The following CAD variants were observed in gnomAD, a reference collection of about 807,000 sequenced individuals.
The protein encoded by CAD is multifunctional protein CAD.
CAD carries 81 observed loss-of-function variants against 237.2 expected under a neutral mutation model. That is an observed-to-expected ratio of 0.34 (90% CI 0.29 to 0.41). The LOEUF (loss-of-function observed/expected upper bound fraction) is 0.41. CAD is among the 10% of genes least tolerant of loss of function. The pLI is 1.00. For missense variants in CAD, 2,181 were observed against 2,951.7 expected, an observed-to-expected ratio of 0.74 and a Z score of 6.05; for synonymous variants, 1,196 against 1,162.8, an observed-to-expected ratio of 1.03 and a Z score of -0.58.
In CAD at chr2:27,232,949, C is replaced by CTGAA; in HGVS notation, c.2893-92_2893-89dup. On this transcript the variant is annotated intron_variant, in intron 18 of 43. Transcript: ENST00000264705. The surrounding 1 kb of genome is among the most constrained non-coding windows in gnomAD (Gnocchi z 4.1). ...TCAGAGGAAGCTGTGCTGGCAGTCT[C>CTGAA]TGAAGTAGGGGCTTTGGCTTAGTTT... 1.1e-6 allele frequency: 1 copy of CTGAA among 922,454 alleles called. No homozygotes were observed. The highest frequency in any genetic ancestry group is 1.8e-6 in the Non-Finnish European group (1 of 561,978). 57.1% of individuals were successfully genotyped at this position (922,454 alleles called of 1,614,324 possible). A position where few individuals can be genotyped will look rare whatever the true frequency, so the allele number is the denominator to read the frequency against.
Position 27,242,081 on chromosome 2 carries a change from C to T in CAD, c.6054C>T (p.Ala2018=), listed in dbSNP as rs774285423. ...ADSVQTMSCY[A]DVVVLRHPQP... ...CCGTGCAGACCATGAGCTGCTATGCCGACGTCGTCGTGCTCCGGCACCCCC... is the reference window on the plus strand; with the variant it reads ...CCGTGCAGACCATGAGCTGCTATGCTGACGTCGTCGTGCTCCGGCACCCCC... The change falls in exon 39 of 44, where the codon GCC becomes GCT. Residue 2018 remains alanine (A), a synonymous_variant. Coordinates refer to ENST00000264705, the MANE Select transcript of CAD (RefSeq NM_004341.5). This position sits in a 1 kb window ranked among gnomAD's most constrained non-coding sequence, Gnocchi z 6.4. The T allele has an allele frequency of 1.6e-5, 26 of 1,613,072 alleles. No homozygotes were observed. Among genetic ancestry groups the T allele is most frequent in the Non-Finnish European group, 2.2e-5 (26 of 1,180,020 alleles).
At chr2:27,227,042 C>A (rs1675477041) in intron 15 of CAD, 80 bp downstream of exon 15, 11 of 1,219,504 alleles carry the variant, frequency 9.0e-6, no homozygotes, top group Non-Finnish European at 1.3e-5. Context: ...CCTGGCATGG[C>A]CTTTTACGTC....
At chr2:27,243,350 G>A in intron 43 of CAD, 58 bp downstream of exon 43, 1 of 1,592,952 alleles carries the variant, frequency 6.3e-7, no homozygotes, top group Non-Finnish European at 8.6e-7. Context: ...AGGAGACTTA[G>A]TCCTGGACAA....
Position 27,236,957 on chromosome 2 carries a change from G to A in CAD, c.4396+127G>A. On this transcript the variant is annotated intron_variant, in intron 27 of 43. Coordinates refer to ENST00000264705, the MANE Select transcript of CAD (RefSeq NM_004341.5). This position sits in a 1 kb window ranked among gnomAD's most constrained non-coding sequence, Gnocchi z 4.1. ...GACTGCACAGACTGTGAAGACCCCA[G>A]AATGTTTCTCACTCTTTCATTCCTT... 1.3e-6 allele frequency: 1 copy of A among 769,112 alleles called. No homozygotes were observed. The highest frequency in any genetic ancestry group is 2.3e-6 in the Non-Finnish European group (1 of 434,106). The allele number at this position is 769,112 out of a possible 1,614,324, so 47.6% of individuals were successfully genotyped here.
rs1232444584 is a variant in CAD, at chr2:27,240,325, C to T, written c.5557C>T (p.Pro1853Ser). 1.4e-5 allele frequency: 23 copies of T among 1,614,046 alleles called. No homozygotes were observed. Among genetic ancestry groups the T allele is most frequent in the Non-Finnish European group, 1.9e-5 (22 of 1,180,044 alleles). ...GLPDGRFHLP[P>S]RIHRASDPGL... ...TCCTGATGGCCGCTTCCATCTGCCGCCCCGAATCCATCGAGCCTCCGACCC... is the reference window on the plus strand; with the variant it reads ...TCCTGATGGCCGCTTCCATCTGCCGTCCCGAATCCATCGAGCCTCCGACCC... The change falls in exon 35 of 44, where the codon CCC becomes TCC. Residue 1853 changes from proline (P) to serine (S), a missense_variant. Physicochemically the swap from Pro to Ser is moderately conservative, Grantham distance 74. Coordinates refer to ENST00000264705, the MANE Select transcript of CAD (RefSeq NM_004341.5). The surrounding 1 kb of genome is among the most constrained non-coding windows in gnomAD (Gnocchi z 4.6).
At chr2:27,220,677 G>A (rs1263549191) in intron 2 of CAD, among the ~76,000 whole-genome samples, 5 of 151,202 alleles carry the variant, frequency 3.3e-5, no homozygotes. Context: ...AAAAGGAATG[G>A]CTAGGTGCGA....
In CAD at chr2:27,222,331, A is replaced by G. The variant is rs767215684; in HGVS notation, c.490A>G (p.Ile164Val). 3.1e-6 allele frequency: 5 copies of G among 1,610,928 alleles called. No individual in the cohort carries two copies. The Admixed American group carries it at 6.7e-5, about 22-fold the overall frequency. Reference sequence around the variant, plus strand: ...CCGCCCCCTGGTACCAGAGGTCTCCATTAAGGTACAGAGGTAGAGTGGGAG... The same window carrying G: ...CCGCCCCCTGGTACCAGAGGTCTCCGTTAAGGTACAGAGGTAGAGTGGGAG... ...NARPLVPEVS[I>V]KTPRVFNTGG... Residue 164 changes from isoleucine to valine, a missense_variant, in exon 4 of 44, where the codon ATT becomes GTT. Ile to Val is a conservative substitution (Grantham distance 29). Around this residue, in one of 12 missense-constraint regions of CAD, gnomAD observed 314 missense variants for 339.4 expected, o/e 0.93. Coordinates refer to ENST00000264705, the MANE Select transcript of CAD (RefSeq NM_004341.5).
At chr2:27,230,928 A>T (rs1319926160) in intron 15 of CAD, among the ~76,000 whole-genome samples, 1 of 152,276 alleles carries the variant, frequency 6.6e-6, no homozygotes, top group Non-Finnish European at 1.5e-5. Flanking sequence ...CATATTCATC[A>T]ATAAGCACAA....
In CAD at chr2:27,242,713, C is replaced by T; in HGVS notation, c.6316C>T (p.Pro2106Ser). 1.2e-6 allele frequency: 2 copies of T among 1,614,162 alleles called. No homozygotes were observed. ...QYRVSLRYVAPPSLRMPPTVR... is the reference protein window; with the variant it reads ...QYRVSLRYVASPSLRMPPTVR... ...TCGTGTCAGCCTGCGCTACGTGGCA[C>T]CTCCCAGCCTGCGCATGCCACCCAC... The change falls in exon 41 of 44, where the codon CCT becomes TCT. Residue 2106 changes from proline (P) to serine (S), a missense_variant. Pro to Ser is a moderately conservative substitution (Grantham distance 74, BLOSUM62 -1). Transcript: ENST00000264705. The surrounding 1 kb of genome is among the most constrained non-coding windows in gnomAD (Gnocchi z 6.4).
chr2:27,225,072 C>T lies in CAD; in HGVS notation c.1449C>T (p.Asn483=), dbSNP rs1250813067. Residue 483 remains asparagine (N), a synonymous_variant, in exon 11 of 44, where the codon AAC becomes AAT. Transcript: ENST00000264705. ...LLTFGGQTAL[N]CGVELTKAGV... is the part of the protein sequence containing the mutation. The stretch of plus-strand genomic sequence containing the variant: ...CTTTTGGGGGCCAGACTGCTCTGAA[C>T]TGTGGTGTGGAGCTGACCAAGGCCG... 1 of 1,614,184 alleles carries T rather than the reference C, an allele frequency of 6.2e-7. No individual in the cohort carries two copies. Among genetic ancestry groups the T allele is most frequent in the Admixed American group, 1.7e-5 (1 of 60,026 alleles).
chr2:27,230,109 G>A (rs1487576811), intron 15 of CAD, among the ~76,000 whole-genome samples: 2 of 151,618 alleles, frequency 1.3e-5, no homozygotes, highest in African/African-American at 2.4e-5. Flanking sequence ...ATGGTGGCAG[G>A]TGCCTGTAAT....
chr2:27,238,219 G>A (rs1558542260), intron 30 of CAD, 32 bp downstream of exon 30: 2 of 1,609,684 alleles, frequency 1.2e-6, no homozygotes, highest in Non-Finnish European at 1.7e-6. Flanking sequence ...TGCTGTCCCT[G>A]TTGCTTTCCC....
intron 16 of CAD, among the ~76,000 whole-genome samples, 163 bp from the exon 17 acceptor site, chr2:27,231,817 A>G (rs1675772390): frequency 6.6e-6 from 1 of 152,250 alleles, no homozygotes; most frequent in South Asian, 2.1e-4. Flanking sequence ...AAAGCCACAT[A>G]GCCAATGAGA....
chr2:27,241,381 C>T lies in CAD; in HGVS notation c.5868C>T (p.Ser1956=). The T allele has an allele frequency of 6.2e-7, 1 of 1,614,178 alleles. No homozygotes were observed. The highest frequency in any genetic ancestry group is 8.5e-7 in the Non-Finnish European group (1 of 1,180,018). The change falls in exon 38 of 44, where the codon AGC becomes AGT. Residue 1956 remains serine (S), a synonymous_variant. Coordinates refer to ENST00000264705, the MANE Select transcript of CAD (RefSeq NM_004341.5). The surrounding 1 kb of genome is among the most constrained non-coding windows in gnomAD (Gnocchi z 4.6). ...GTATGATGGTGCAGAAGGAGCGGAG[C>T]CTCGACATCCTGAAGGTCAGGATCA... The part of the protein sequence containing the change: ...TLRMMVQKER[S]LDILKGKVMA...
chr2:27,224,540 G>GA (rs1558529836), intron 9 of CAD, 50 bp downstream of exon 9: 1 of 1,599,750 alleles, frequency 6.3e-7, no homozygotes, highest in Non-Finnish European at 8.5e-7. Context: ...CTCAAGAATG[G>GA]AAAGGGTCTT....
At chr2:27,227,023 CA>C in intron 15 of CAD, 61 bp downstream of exon 15, 1 of 1,484,546 alleles carries the variant, frequency 6.7e-7, no homozygotes, top group Non-Finnish European at 9.4e-7. Context: ...TCTTAAATGT[CA>C]AGAGTTCCCT....
At chr2:27,221,823 A>G (rs1035984905) in intron 3 of CAD, among the ~76,000 whole-genome samples, 1 of 110,390 alleles carries the variant, frequency 9.1e-6, no homozygotes, top group African/African-American at 3.8e-5. Context: ...CACACATTGC[A>G]TTTGGTTGAT....
In CAD at chr2:27,225,971, G is replaced by A. The variant is rs767789229; in HGVS notation, c.1842+45G>A. 4 of 1,582,866 alleles carry A rather than the reference G, an allele frequency of 2.5e-6. No homozygotes were observed. The South Asian group carries it at 4.4e-5, about 18-fold the overall frequency. ...GTGGGCGTCGTGTCAGGCAGGATGAGCTTTTGGAAGAGCAGAGGCCCAGGC... is the reference window on the plus strand; with the variant it reads ...GTGGGCGTCGTGTCAGGCAGGATGAACTTTTGGAAGAGCAGAGGCCCAGGC... On this transcript the variant is annotated intron_variant, in intron 12 of 43. Transcript: ENST00000264705.
chr2:27,226,913 C>T lies in CAD; in HGVS notation c.2238C>T (p.Ser746=). 6.2e-7 allele frequency: 1 copy of T among 1,613,918 alleles called. No homozygotes were observed. Among genetic ancestry groups the T allele is most frequent in the Non-Finnish European group, 8.5e-7 (1 of 1,179,782 alleles). The stretch of plus-strand genomic sequence containing the variant: ...TGAAGATTCCTCGATGGGACCTTAG[C>T]AAGTTCCTGCGAGTCAGCACAAAGA... ...CVVKIPRWDL[S]KFLRVSTKIG... is the part of the protein sequence containing the mutation. Residue 746 remains serine, a synonymous_variant, in exon 15 of 44, where the codon AGC becomes AGT. Transcript: ENST00000264705.
Sources: allele counts gnomAD v4.1 joint callset (sites outside exome capture counted in the v4.1 genomes callset), GRCh38; gene constraint gnomAD v4.1.1; regional missense constraint gnomAD v4.1.1; non-coding constraint Gnocchi (gnomAD v3.1); transcripts MANE v1.5; gene names NCBI Gene and HGNC (gene_info 2026-07-23, HGNC 2026-07-21).